Variants in PBX1 observed in about 807,000 individuals in gnomAD.
The protein encoded by PBX1 is pre-B-cell leukemia transcription factor 1.
PBX1 carries 6 observed loss-of-function variants against 53.4 expected under a neutral mutation model. That is an observed-to-expected ratio of 0.11 (90% CI 0.06 to 0.22). The LOEUF is 0.22. Among genes scored for constraint, PBX1 ranks in the 10% least tolerant of loss-of-function variants. PBX1 has a pLI of 1.00. For synonymous variants in PBX1, 204 were observed against 212.3 expected (o/e 0.96, Z 0.34); for missense variants, 251 against 551.4 (o/e 0.46, Z 5.46).
chr1:164,744,706 A>G (rs1376528278), intron 2 of PBX1, among the ~76,000 whole-genome samples: 1 of 152,172 alleles, frequency 6.6e-6, no homozygotes, highest in East Asian at 1.9e-4. Flanking sequence ...ATAAGGGTCA[A>G]TTCAAAAAAG....
intron 2 of PBX1, among the ~76,000 whole-genome samples, chr1:164,755,041 C>G (rs1557987099): frequency 6.6e-6 from 1 of 152,226 alleles, no homozygotes; most frequent in Non-Finnish European, 1.5e-5. Context: ...CACAACTCCT[C>G]TCTCCTTGGA....
chr1:164,786,720 T>TGTGTGCGCGCGCGC (rs1357886882), intron 2 of PBX1, among the ~76,000 whole-genome samples: 28 of 116,292 alleles, frequency 2.4e-4, no homozygotes, highest in East Asian at 1.1e-3. Context: ...TGTGTGTGTG[T>TGTGTGCGCGCGCGC]GCGCGCGCAC....
chr1:164,670,388 C>T (rs562366813), intron 2 of PBX1, among the ~76,000 whole-genome samples: 4 of 152,292 alleles, frequency 2.6e-5, no homozygotes, highest in Admixed American at 6.5e-5. Context: ...CCACTGGAAG[C>T]CTTAACTCAG....
At chr1:164,784,841 A>T (rs1427795418) in intron 2 of PBX1, among the ~76,000 whole-genome samples, 1 of 152,072 alleles carries the variant, frequency 6.6e-6, no homozygotes, top group Non-Finnish European at 1.5e-5. Flanking sequence ...AACTTGGTTC[A>T]TTTACTAAAT....
intron 2 of PBX1, among the ~76,000 whole-genome samples, chr1:164,776,899 T>TTGTGTGTG (rs368787176): frequency 9.2e-4 from 89 of 97,162 alleles, no homozygotes; most frequent in African/African-American, 2.8e-3. Flanking sequence ...GGTTTTACAT[T>TTGTGTGTG]TGTGTGTGTG....
intron 2 of PBX1, among the ~76,000 whole-genome samples, chr1:164,602,917 G>A (rs145700494): frequency 4.5e-4 from 68 of 152,284 alleles, no homozygotes; most frequent in African/African-American, 1.6e-3. Context: ...ACCAGTCCAC[G>A]TCCCGTCCCG....
intron 2 of PBX1, among the ~76,000 whole-genome samples, chr1:164,705,893 T>G (rs898571801): frequency 2.0e-4 from 30 of 152,230 alleles, no homozygotes; most frequent in Non-Finnish European, 4.0e-4. Context: ...CTGATGTTAT[T>G]CAAGTACCTA....
intron 8 of PBX1, among the ~76,000 whole-genome samples, chr1:164,836,020 AG>A (rs1671021488): frequency 6.6e-6 from 1 of 152,198 alleles, no homozygotes; most frequent in South Asian, 2.1e-4. Context: ...CCCTAGGCCT[AG>A]TATGACCCTA....
chr1:164,642,643 T>C (rs1250595340), intron 2 of PBX1: 1 of 152,176 alleles, frequency 6.6e-6, no homozygotes, highest in African/African-American at 2.4e-5. Flanking sequence ...TGAATACAGT[T>C]CCTTTAATAT....
intron 2 of PBX1, among the ~76,000 whole-genome samples, chr1:164,659,527 G>C (rs970373162): frequency 3.3e-5 from 5 of 152,126 alleles, no homozygotes; most frequent in Non-Finnish European, 7.3e-5. Context: ...GGAGTTCTTT[G>C]AGTGAGCAAG....
At chr1:164,660,209 G>A (rs1301780545) in intron 2 of PBX1, among the ~76,000 whole-genome samples, 3 of 152,202 alleles carry the variant, frequency 2.0e-5, no homozygotes, top group Non-Finnish European at 4.4e-5. Flanking sequence ...AAGCAAACTG[G>A]AGAAGGATTG....
intron 2 of PBX1, among the ~76,000 whole-genome samples, chr1:164,716,972 G>C (rs1030261492): frequency 6.6e-6 from 1 of 152,140 alleles, no homozygotes; most frequent in African/African-American, 2.4e-5. Context: ...GGAGTTGATA[G>C]TTAAGAGAAA....
At chr1:164,870,805 C>T (rs893385497) in intron 2 of PBX1, among the ~76,000 whole-genome samples, 14 of 152,160 alleles carry the variant, frequency 9.2e-5, no homozygotes, top group African/African-American at 3.4e-4. Flanking sequence ...CACATCCTTC[C>T]TTGTTCAGGG....
chr1:164,623,191 C>A (rs1657805473), intron 2 of PBX1, among the ~76,000 whole-genome samples: 1 of 152,032 alleles, frequency 6.6e-6, no homozygotes, highest in Admixed American at 6.5e-5. Flanking sequence ...GGAGGTAAGC[C>A]CCGCCTCGTT....
chr1:164,702,916 G>C (rs1429708287), intron 2 of PBX1: 1 of 152,102 alleles, frequency 6.6e-6, no homozygotes, highest in African/African-American at 2.4e-5. Flanking sequence ...CTATTCTGGA[G>C]TGCAGAGGTA....
chr1:164,673,241 G>T (rs955153029), intron 2 of PBX1, among the ~76,000 whole-genome samples: 1 of 152,068 alleles, frequency 6.6e-6, no homozygotes, highest in East Asian at 1.9e-4. Context: ...ACAGTTAAGG[G>T]GCTTTCTTGG....
intron 2 of PBX1, among the ~76,000 whole-genome samples, chr1:164,786,962 A>G (rs1668228908): frequency 6.6e-6 from 1 of 152,124 alleles, no homozygotes; most frequent in African/African-American, 2.4e-5. Flanking sequence ...AGGTGATGTA[A>G]TTCAGTGCGT....
chr1:164,613,532 C>G (rs528107462), intron 2 of PBX1, among the ~76,000 whole-genome samples: 1 of 152,136 alleles, frequency 6.6e-6, no homozygotes, highest in Non-Finnish European at 1.5e-5. Context: ...TGTGAGCCCC[C>G]CTAGCATTGT....
chr1:164,587,432 A>G lies in PBX1; in HGVS notation c.265+24121A>G, dbSNP rs892828556. ...GATTAATAAGATCCCTTTCAGGTCT[A>G]TGCTTCTAGCACTCCCTTTTGTCGG... On this transcript the variant is annotated intron_variant, in intron 2 of 8. Transcript: ENST00000420696. 2.0e-5 allele frequency among the ~76,000 whole-genome samples: 3 copies of G among 152,066 alleles called. No homozygotes were observed. In the South Asian group the frequency reaches 6.2e-4, roughly 32 times the overall value.
Sources: allele counts gnomAD v4.1 joint callset (sites outside exome capture counted in the v4.1 genomes callset), GRCh38; gene constraint gnomAD v4.1.1; transcripts MANE v1.5; gene names NCBI Gene and HGNC (gene_info 2026-07-23, HGNC 2026-07-21).